Variants in PRR16 observed in about 807,000 individuals in gnomAD.
PRR16 encodes proline rich 16.
Under a neutral mutation model 18.2 loss-of-function variants are expected in PRR16, and 6 were observed. The ratio of observed to expected loss-of-function variants is 0.33; its 90% confidence interval spans 0.18 to 0.65. The LOEUF is 0.65. Ranked by LOEUF, PRR16 falls within the 30% of genes least tolerant of loss-of-function variation. The probability of loss-of-function intolerance (pLI) is 0.74; values close to 1 mark genes in which losing one functional copy is unlikely to be tolerated. For missense variants in PRR16, 412 were observed against 376.6 expected (o/e 1.09, Z -0.78); for synonymous variants, 151 against 147.8 (o/e 1.02, Z -0.16).
intron 1 of PRR16, among the ~76,000 whole-genome samples, chr5:120,563,451 A>T (rs773380698): frequency 6.6e-6 from 1 of 152,208 alleles, no homozygotes; most frequent in African/African-American, 2.4e-5. Context: ...TCAAACCACA[A>T]TACAAAGATC....
intron 1 of PRR16, among the ~76,000 whole-genome samples, chr5:120,530,085 A>G (rs920294917): frequency 3.3e-5 from 5 of 150,404 alleles, no homozygotes; most frequent in Non-Finnish European, 7.4e-5. Flanking sequence ...AACAAGGCCT[A>G]TTTAAGAATC....
At chr5:120,574,446 A>G (rs528462744) in intron 1 of PRR16, among the ~76,000 whole-genome samples, 2 of 152,150 alleles carry the variant, frequency 1.3e-5, no homozygotes, top group African/African-American at 4.8e-5. Context: ...TCTGCTAAAA[A>G]TACAAAAATT....
the PRR16 span, among the ~76,000 whole-genome samples, chr5:120,718,883 C>G: frequency 5.3e-5 from 8 of 151,984 alleles, no homozygotes; most frequent in African/African-American, 9.7e-5. Flanking sequence ...GTAACCATTA[C>G]CACAATGCAT....
At chr5:120,747,876 A>T in the PRR16 span, among the ~76,000 whole-genome samples, 1 of 152,138 alleles carries the variant, frequency 6.6e-6, no homozygotes, top group East Asian at 1.9e-4. Flanking sequence ...TGTAAAAAAA[A>T]CAATTATGCG....
chr5:120,758,534 A>G, the PRR16 span, among the ~76,000 whole-genome samples: 40,896 of 151,942 alleles, frequency 0.27, 5,853 homozygotes, highest in Non-Finnish European at 0.31. Flanking sequence ...CGCATATTGA[A>G]GGGGGGATCT....
chr5:120,695,267 C>T, the PRR16 span, among the ~76,000 whole-genome samples: 1 of 151,956 alleles, frequency 6.6e-6, no homozygotes, highest in African/African-American at 2.4e-5. Flanking sequence ...AAGTTCTGGG[C>T]TGTATAAAAC....
intron 1 of PRR16, among the ~76,000 whole-genome samples, chr5:120,507,104 A>T (rs1189660905): frequency 2.0e-5 from 3 of 152,110 alleles, no homozygotes; most frequent in Non-Finnish European, 4.4e-5. Context: ...TTTGTCTTAA[A>T]GGACACTCCT....
At chr5:120,709,621 C>T in the PRR16 span, among the ~76,000 whole-genome samples, 48 of 152,228 alleles carry the variant, frequency 3.2e-4, no homozygotes, top group Non-Finnish European at 5.7e-4. Flanking sequence ...GTTAACCAAA[C>T]CCTCTTCCTC....
intron 1 of PRR16, among the ~76,000 whole-genome samples, chr5:120,482,713 C>T (rs1260868288): frequency 6.6e-6 from 1 of 152,078 alleles, no homozygotes; most frequent in African/African-American, 2.4e-5. Flanking sequence ...GAACTGCTTT[C>T]CACAGTGACT....
At chr5:120,506,183 T>C (rs1750640681) in intron 1 of PRR16, among the ~76,000 whole-genome samples, 1 of 152,008 alleles carries the variant, frequency 6.6e-6, no homozygotes, top group Non-Finnish European at 1.5e-5. Context: ...TGAGTTCTCA[T>C]TGAGTTACCA....
chr5:120,668,831 G>A (rs1023847792), intron 1 of PRR16, among the ~76,000 whole-genome samples: 2 of 152,146 alleles, frequency 1.3e-5, no homozygotes, highest in African/African-American at 4.8e-5. Flanking sequence ...TCAGCTGTTA[G>A]TCTGATGGGC....
intron 1 of PRR16, among the ~76,000 whole-genome samples, chr5:120,557,093 A>G (rs965142882): frequency 3.3e-5 from 5 of 151,978 alleles, no homozygotes; most frequent in Non-Finnish European, 5.9e-5. Flanking sequence ...ACACACAACA[A>G]TAAAATTTCT....
intron 1 of PRR16, among the ~76,000 whole-genome samples, chr5:120,643,555 T>C (rs958297113): frequency 1.3e-5 from 2 of 152,180 alleles, no homozygotes; most frequent in Non-Finnish European, 2.9e-5. Context: ...AGAGTTTATC[T>C]TTTTTAACTA....
At chr5:120,754,247 T>TTATAATATATAATATATATAATTAGA in the PRR16 span, among the ~76,000 whole-genome samples, 177 of 26,502 alleles carry the variant, frequency 6.7e-3, no homozygotes, top group South Asian at 0.035. Context: ...TAATTAGATA[T>TTATAATATATAATATATATAATTAGA]TATAATATAA....
At chr5:120,484,019 C>T (rs938445015) in intron 1 of PRR16, among the ~76,000 whole-genome samples, 1 of 151,900 alleles carries the variant, frequency 6.6e-6, no homozygotes, top group Non-Finnish European at 1.5e-5. Flanking sequence ...GTCTTCTTTC[C>T]TTCTAAAAAT....
chr5:120,769,393 A>C, the PRR16 span, among the ~76,000 whole-genome samples: 7 of 151,702 alleles, frequency 4.6e-5, no homozygotes, highest in South Asian at 1.5e-3. Context: ...CCTCTTAATA[A>C]ATTTTGAAGG....
intron 1 of PRR16, among the ~76,000 whole-genome samples, chr5:120,638,720 T>C (rs1035165735): frequency 3.3e-5 from 5 of 152,036 alleles, no homozygotes; most frequent in Non-Finnish European, 2.9e-5. Context: ...TACACATGCG[T>C]AGCAACACAT....
intron 1 of PRR16, among the ~76,000 whole-genome samples, chr5:120,568,686 A>G (rs1454488102): frequency 6.6e-6 from 1 of 152,098 alleles, no homozygotes; most frequent in Non-Finnish European, 1.5e-5. Context: ...GGTAATACAA[A>G]TGTGAGAATT....
chr5:120,740,652 A>G, the PRR16 span, among the ~76,000 whole-genome samples: 1 of 152,120 alleles, frequency 6.6e-6, no homozygotes, highest in African/African-American at 2.4e-5. Flanking sequence ...AATATATGGT[A>G]GTTTAAATCT....
Sources: allele counts gnomAD v4.1 joint callset (sites outside exome capture counted in the v4.1 genomes callset), GRCh38; gene constraint gnomAD v4.1.1; transcripts MANE v1.5; gene names NCBI Gene and HGNC (gene_info 2026-07-23, HGNC 2026-07-21).